SGCD: variants seen among roughly 807,000 people sequenced by gnomAD.
SGCD encodes the protein sarcoglycan delta, also known as delta-sarcoglycan.
Under a neutral mutation model 36.6 loss-of-function variants are expected in SGCD, and 18 were observed. That is an observed-to-expected ratio of 0.49 (90% CI 0.34 to 0.73). SGCD has a LOEUF of 0.73. SGCD is among the 30% of genes least tolerant of loss of function. SGCD has a pLI of 0.01. For synonymous variants in SGCD, 133 were observed against 130.6 expected, an observed-to-expected ratio of 1.02 and a Z score of -0.12; for missense variants, 387 against 346.7, an observed-to-expected ratio of 1.12 and a Z score of -0.92.
chr5:156,437,143 G>A (rs1035665122), intron 3 of SGCD, among the ~76,000 whole-genome samples: 2 of 152,030 alleles, frequency 1.3e-5, no homozygotes, highest in African/African-American at 4.8e-5. Context: ...ATGGAATCTT[G>A]TGTTTGATGT....
At chr5:155,804,971 T>C in the SGCD span, among the ~76,000 whole-genome samples, 1 of 152,190 alleles carries the variant, frequency 6.6e-6, no homozygotes, top group African/African-American at 2.4e-5. Context: ...TCCAGCACAG[T>C]TGCCATTAGC....
chr5:156,695,515 A>G (rs200370729), intron 7 of SGCD, among the ~76,000 whole-genome samples: 86 of 1,420 alleles, frequency 0.061, no homozygotes, highest in Non-Finnish European at 0.14. Context: ...ATAGATGGAT[A>G]GATAGATAGA....
intron 3 of SGCD, among the ~76,000 whole-genome samples, chr5:156,464,665 C>T (rs950291124): frequency 5.9e-5 from 9 of 152,128 alleles, no homozygotes; most frequent in Admixed American, 1.3e-4. Flanking sequence ...CTTGATTCAC[C>T]GAATCCCACT....
At chr5:156,517,091 C>G (rs778196323) in intron 4 of SGCD, among the ~76,000 whole-genome samples, 14 of 152,206 alleles carry the variant, frequency 9.2e-5, no homozygotes, top group Non-Finnish European at 1.6e-4. Context: ...AGCTAAGAAC[C>G]ATGATAAAAC....
chr5:155,745,478 A>G, the SGCD span, among the ~76,000 whole-genome samples: 14 of 152,132 alleles, frequency 9.2e-5, no homozygotes, highest in African/African-American at 3.4e-4. Flanking sequence ...TTTTTTCCTC[A>G]TCAATCTTAT....
chr5:156,516,515 A>G (rs1757177562), intron 4 of SGCD, among the ~76,000 whole-genome samples: 1 of 152,250 alleles, frequency 6.6e-6, no homozygotes, highest in African/African-American at 2.4e-5. Flanking sequence ...TCCAAAGGTC[A>G]GCAGCCTCAA....
the SGCD span, among the ~76,000 whole-genome samples, chr5:155,754,355 C>G: frequency 6.6e-6 from 1 of 152,154 alleles, no homozygotes; most frequent in Non-Finnish European, 1.5e-5. Context: ...AGTTTGACTT[C>G]AGACAGTGAG....
At chr5:155,754,628 G>A in the SGCD span, among the ~76,000 whole-genome samples, 122,551 of 152,248 alleles carry the variant, frequency 0.8, 50,236 homozygotes, top group African/African-American at 0.94. Flanking sequence ...TATGGCGTCA[G>A]TTATAAGGTG....
chr5:156,285,376 A>T (rs1464491985), intron 3 of SGCD, among the ~76,000 whole-genome samples: 1 of 152,226 alleles, frequency 6.6e-6, no homozygotes, highest in South Asian at 2.1e-4. Context: ...GTGAATCCTA[A>T]GCCAAAAGAA....
chr5:156,030,374 C>T (rs926897779), intron 1 of SGCD, among the ~76,000 whole-genome samples: 7 of 151,904 alleles, frequency 4.6e-5, no homozygotes, highest in African/African-American at 1.7e-4. Context: ...TATAAGAGAC[C>T]CATAGTCATA....
intron 7 of SGCD, among the ~76,000 whole-genome samples, chr5:156,676,986 T>C (rs998415743): frequency 6.6e-6 from 1 of 152,180 alleles, no homozygotes; most frequent in Non-Finnish European, 1.5e-5. Context: ...TTGAGCACAT[T>C]CCTGGGCCTA....
the SGCD span, among the ~76,000 whole-genome samples, chr5:155,759,890 G>A: frequency 1.3e-5 from 2 of 152,126 alleles, no homozygotes; most frequent in Non-Finnish European, 2.9e-5. Context: ...CATTAGCTCT[G>A]CTGCCAGGAG....
intron 1 of SGCD, among the ~76,000 whole-genome samples, chr5:155,976,311 T>C (rs1758113082): frequency 6.6e-6 from 1 of 152,182 alleles, no homozygotes; most frequent in Admixed American, 6.5e-5. Flanking sequence ...TGTTACATTA[T>C]TTGACATATT....
chr5:155,872,117 C>G (rs1396621415), intron 1 of SGCD, among the ~76,000 whole-genome samples: 3 of 152,256 alleles, frequency 2.0e-5, no homozygotes, highest in East Asian at 3.9e-4. Flanking sequence ...CCAGCACCAA[C>G]AGCTTTGTGC....
At position 156,128,489 on chromosome 5, in the gene SGCD, A is replaced by T. The variant is rs187357885; in HGVS notation, c.-44+4470A>T. Among the ~76,000 whole-genome samples, 35 of 151,594 alleles carry T rather than the reference A, an allele frequency of 2.3e-4. No individual in the cohort carries two copies. The East Asian group carries it at 6.8e-3, about 30-fold the overall frequency. On this transcript the variant is annotated intron_variant, in intron 3 of 9. Coordinates refer to the SGCD transcript ENST00000517913. ...CAACTCAGATGTCTAACAAAAAAAAATGGATAAACTCTTACATATTCATAA... is the reference window on the plus strand; with the variant it reads ...CAACTCAGATGTCTAACAAAAAAAATTGGATAAACTCTTACATATTCATAA...
rs2202432 is a variant in SGCD at position 156,304,712 on chromosome 5, T to G, written c.-43-24822T>G. Among the ~76,000 whole-genome samples, 3 of 152,036 alleles carry G rather than the reference T, an allele frequency of 2.0e-5. No homozygotes were observed. The East Asian group carries it at 5.8e-4, about 29-fold the overall frequency. On this transcript the variant is annotated intron_variant, in intron 3 of 9. Coordinates refer to the SGCD transcript ENST00000517913. ...CAGTTTGGAAGGCTCTGAAGAAGAC[T>G]GGAAAATGTGGGAAAGTTTGAAACC...
At chr5:155,994,080 GT>G (rs1758490118) in intron 1 of SGCD, among the ~76,000 whole-genome samples, 1 of 152,216 alleles carries the variant, frequency 6.6e-6, no homozygotes, top group Non-Finnish European at 1.5e-5. Context: ...CTGAGGGGTA[GT>G]GGAGACCATC....
At chr5:156,226,965 T>C (rs1182861964) in intron 3 of SGCD, among the ~76,000 whole-genome samples, 1 of 152,126 alleles carries the variant, frequency 6.6e-6, no homozygotes, top group Non-Finnish European at 1.5e-5. Context: ...TGCTTGCTTA[T>C]TTTTTTGAGA....
chr5:156,479,359 G>A (rs989730397), intron 3 of SGCD, among the ~76,000 whole-genome samples: 20 of 152,218 alleles, frequency 1.3e-4, no homozygotes, highest in African/African-American at 4.6e-4. Context: ...GCCTCCCAAA[G>A]TGCTGGGATT....
Sources: allele counts gnomAD v4.1 joint callset (sites outside exome capture counted in the v4.1 genomes callset), GRCh38; gene constraint gnomAD v4.1.1; transcripts MANE v1.5; gene names NCBI Gene and HGNC (gene_info 2026-07-23, HGNC 2026-07-21).